ROBO2: variants seen among roughly 807,000 people sequenced by gnomAD.
ROBO2 encodes the protein roundabout homolog 2.
In ROBO2, 53 loss-of-function variants were observed where a neutral mutation model predicts 160.8. The ratio of observed to expected loss-of-function variants is 0.33; its 90% CI spans 0.26 to 0.41. The LOEUF is 0.41. Among genes scored for constraint, ROBO2 ranks in the 10% least tolerant of loss-of-function variants. ROBO2 has a pLI of 1.00. For missense variants in ROBO2, 1,577 were observed against 1,722.4 expected, an observed-to-expected ratio of 0.92 and a Z score of 1.49; for synonymous variants, 664 against 611.7, an observed-to-expected ratio of 1.09 and a Z score of -1.26.
intron 2 of ROBO2, among the ~76,000 whole-genome samples, chr3:77,462,840 A>T (rs1394426130): frequency 6.6e-6 from 1 of 152,112 alleles, no homozygotes; most frequent in Non-Finnish European, 1.5e-5. Flanking sequence ...ATGTGCATGC[A>T]AGCACATTCC....
At chr3:76,975,806 G>A (rs998658368) in intron 2 of ROBO2, among the ~76,000 whole-genome samples, 1 of 151,606 alleles carries the variant, frequency 6.6e-6, no homozygotes, top group Admixed American at 6.6e-5. Flanking sequence ...AGTGTGCTTA[G>A]CATTAAAAAA....
chr3:76,416,261 A>G (rs1022181025), intron 2 of ROBO2, among the ~76,000 whole-genome samples: 5 of 152,184 alleles, frequency 3.3e-5, no homozygotes, highest in Non-Finnish European at 7.4e-5. Context: ...TAAATTAACT[A>G]ACAAATTCCT....
At chr3:77,601,284 A>G (rs1304656574) in intron 19 of ROBO2, among the ~76,000 whole-genome samples, 2 of 152,210 alleles carry the variant, frequency 1.3e-5, no homozygotes, top group African/African-American at 2.4e-5. Flanking sequence ...TTTAAAATGT[A>G]CTATATAATA....
At chr3:76,103,114 C>T (rs1007541261) in intron 2 of ROBO2, among the ~76,000 whole-genome samples, 1 of 152,128 alleles carries the variant, frequency 6.6e-6, no homozygotes. Flanking sequence ...TGAGCCACCA[C>T]GCCCGGCCAG....
chr3:76,805,024 A>G (rs1313036621), intron 2 of ROBO2, among the ~76,000 whole-genome samples: 1 of 152,172 alleles, frequency 6.6e-6, no homozygotes, highest in African/African-American at 2.4e-5. Flanking sequence ...TAATCCCAAA[A>G]TATTGTGAGC....
intron 2 of ROBO2, among the ~76,000 whole-genome samples, chr3:77,289,944 T>A (rs1348117222): frequency 1.3e-5 from 2 of 152,040 alleles, no homozygotes; most frequent in East Asian, 3.9e-4. Context: ...ACGGGTAAGC[T>A]GAGGCTAGAT....
At position 77,418,159 on chromosome 3, in the gene ROBO2, GTATGTGAAAAAGTCA is replaced by G. The variant is rs779136139; in HGVS notation, c.389-59254_389-59240del. On this transcript the variant is annotated intron_variant, in intron 2 of 25. Coordinates refer to ENST00000461745, the Ensembl canonical transcript of ROBO2. ...TTATATTTTTTTTACCTACAGAAAA[GTATGTGAAAAAGTCA>G]CAGCAGCCTTTTTGGTGCTTCTTGT... is the stretch of plus-strand genomic sequence containing the variant. Among the ~76,000 whole-genome samples the G allele has an allele frequency of 1.2e-3, 164 of 133,626 alleles. 3 individuals carry two copies. The highest frequency in any genetic ancestry group is 1.6e-3 in the Non-Finnish European group (95 of 58,140). 87.7% of individuals were successfully genotyped at this position (133,626 alleles called of 152,430 possible). A position where few individuals can be genotyped will look rare whatever the true frequency, so the allele number is the denominator to read the frequency against.
intron 2 of ROBO2, among the ~76,000 whole-genome samples, chr3:77,291,877 A>T (rs2061322087): frequency 6.6e-6 from 1 of 152,028 alleles, no homozygotes. Context: ...ATAAAGTAAA[A>T]TTGATGGATA....
At chr3:76,792,966 T>C (rs2063464515) in intron 2 of ROBO2, among the ~76,000 whole-genome samples, 1 of 151,880 alleles carries the variant, frequency 6.6e-6, no homozygotes, top group African/African-American at 2.4e-5. Flanking sequence ...TAAATTATGC[T>C]ATATTGAATA....
intron 23 of ROBO2, chr3:77,634,375 C>T: frequency 5.6e-6 from 1 of 179,634 alleles, no homozygotes; most frequent in Non-Finnish European, 1.2e-5. Flanking sequence ...TCTGAGCAGA[C>T]CTTTCATGTA....
intron 2 of ROBO2, among the ~76,000 whole-genome samples, chr3:76,907,337 A>C (rs2075672141): frequency 2.0e-5 from 3 of 152,188 alleles, no homozygotes; most frequent in Non-Finnish European, 4.4e-5. Flanking sequence ...TGAAGACGAC[A>C]GTCTTCCTCA....
At chr3:76,941,494 A>G (rs960036779) in intron 2 of ROBO2, among the ~76,000 whole-genome samples, 1 of 152,046 alleles carries the variant, frequency 6.6e-6, no homozygotes, top group Non-Finnish European at 1.5e-5. Context: ...CTTTCTCCCT[A>G]CCTCTCAAGG....
chr3:77,629,375 G>GA (rs2095107628), intron 23 of ROBO2: 1 of 152,106 alleles, frequency 6.6e-6, no homozygotes, highest in African/African-American at 2.4e-5. Context: ...GTGTCACTAT[G>GA]CTAGATCCTC....
At chr3:75,944,782 G>T (rs1948207095) in intron 2 of ROBO2, among the ~76,000 whole-genome samples, 1 of 152,172 alleles carries the variant, frequency 6.6e-6, no homozygotes, top group South Asian at 2.1e-4. Context: ...TAATTGGGAT[G>T]CAATTGTTTT....
chr3:77,574,431 G>C, intron 13 of ROBO2, 68 bp from the exon 15 acceptor site: 1 of 1,325,100 alleles, frequency 7.5e-7, no homozygotes, highest in Non-Finnish European at 1.1e-6. Context: ...AATGAAAAGA[G>C]GACAAATTCA....
At chr3:76,337,584 G>A (rs140298618) in intron 2 of ROBO2, among the ~76,000 whole-genome samples, 1 of 152,044 alleles carries the variant, frequency 6.6e-6, no homozygotes, top group Admixed American at 6.5e-5. Flanking sequence ...CACTTACCTA[G>A]TAAGTCATAG....
chr3:77,353,838 T>G (rs2068687222), intron 2 of ROBO2, among the ~76,000 whole-genome samples: 1 of 152,148 alleles, frequency 6.6e-6, no homozygotes, highest in Non-Finnish European at 1.5e-5. Flanking sequence ...AAATTAGTAA[T>G]TATTAATACT....
intron 2 of ROBO2, among the ~76,000 whole-genome samples, chr3:76,505,597 G>T (rs2080753597): frequency 6.6e-6 from 1 of 152,102 alleles, no homozygotes; most frequent in Non-Finnish European, 1.5e-5. Context: ...CACAGAAACG[G>T]GTGTTCTACC....
chr3:77,237,783 A>G (rs1288790162), intron 2 of ROBO2, among the ~76,000 whole-genome samples: 1 of 152,150 alleles, frequency 6.6e-6, no homozygotes, highest in African/African-American at 2.4e-5. Context: ...ATTGCATCAT[A>G]AAAGTATGTT....
Sources: allele counts gnomAD v4.1 joint callset (sites outside exome capture counted in the v4.1 genomes callset), GRCh38; gene constraint gnomAD v4.1.1; transcripts MANE v1.5; gene names NCBI Gene and HGNC (gene_info 2026-07-23, HGNC 2026-07-21).